The following APAF1 variants were observed in gnomAD, a reference collection of about 807,000 sequenced individuals.
APAF1 encodes apoptotic protease-activating factor 1.
APAF1 carries 91 observed loss-of-function variants against 152.4 expected under a neutral mutation model. The ratio of observed to expected loss-of-function variants is 0.60; its 90% CI spans 0.50 to 0.71. The LOEUF (loss-of-function observed/expected upper bound fraction) is 0.71. APAF1 is among the 30% of genes least tolerant of loss of function. APAF1 has a pLI of 0.00. For synonymous variants in APAF1, 484 were observed against 494.1 expected (o/e 0.98, Z 0.27); for missense variants, 1,283 against 1,472.0 (o/e 0.87, Z 2.10).
At chr12:98,707,352 A>G (rs1047391892) in intron 19 of APAF1, among the ~76,000 whole-genome samples, 5 of 152,240 alleles carry the variant, frequency 3.3e-5, no homozygotes, top group East Asian at 3.9e-4. Context: ...GGAATGCTCT[A>G]CTTACCTGTA....
intron 24 of APAF1, 88 bp downstream of exon 24, chr12:98,723,852 G>A: frequency 7.3e-7 from 1 of 1,362,398 alleles, no homozygotes; most frequent in Non-Finnish European, 1.0e-6. Flanking sequence ...GGACATAACA[G>A]TTGCTCTCTA....
At chr12:98,702,653 C>G (rs988016982) in intron 17 of APAF1, among the ~76,000 whole-genome samples, 1 of 151,276 alleles carries the variant, frequency 6.6e-6, no homozygotes, top group Non-Finnish European at 1.5e-5. Context: ...GGAGAAACCC[C>G]GTCTCTACTA....
chr12:98,658,660 G>A (rs1435648712), intron 4 of APAF1, among the ~76,000 whole-genome samples: 1 of 152,292 alleles, frequency 6.6e-6, no homozygotes, highest in Non-Finnish European at 1.5e-5. Context: ...TTCTCAACGA[G>A]GGGTGATTTC....
chr12:98,692,363 G>A (rs566266154), intron 16 of APAF1, among the ~76,000 whole-genome samples: 97 of 152,194 alleles, frequency 6.4e-4, no homozygotes, highest in African/African-American at 2.2e-3. Flanking sequence ...GATTACAGGC[G>A]TGAGCCACTG....
intron 18 of APAF1, among the ~76,000 whole-genome samples, chr12:98,704,284 C>A (rs1169177775): frequency 6.6e-6 from 1 of 152,144 alleles, no homozygotes; most frequent in Non-Finnish European, 1.5e-5. Flanking sequence ...ATTAGTTTTT[C>A]CAGGCTTTCT....
Position 98,721,585 on chromosome 12 carries a change from G to A in APAF1, c.3085-1608G>A, listed in dbSNP as rs550308325. Among the ~76,000 whole-genome samples, 10 of 152,270 alleles carry A rather than the reference G, an allele frequency of 6.6e-5. No individual in the cohort carries two copies. In the South Asian group the frequency reaches 2.1e-3, roughly 32 times the overall value. ...GCCTCCATTTCTTCCCCTTCCCCCA[G>A]CATATCTCATTGGGTTCTTAAAATA... is the stretch of plus-strand genomic sequence containing the variant. On this transcript the variant is annotated intron_variant, in intron 22 of 26. Transcript: ENST00000551964.
Position 98,646,584 on chromosome 12 carries a change from T to G in APAF1, c.-42+749T>G, listed in dbSNP as rs186943003. ...CTCTCTTTTTCTTCTTTGAGTAGAC[T>G]GTGAATTATTTCAGGCAAATGACTC... is the stretch of plus-strand genomic sequence containing the variant. On this transcript the variant is annotated intron_variant, in intron 1 of 26. Coordinates refer to ENST00000551964, the MANE Select transcript of APAF1 (RefSeq NM_181861.2). Among the ~76,000 whole-genome samples the G allele has an allele frequency of 4.1e-3, 632 of 152,324 alleles. 2 individuals are homozygous for G. The highest frequency in any genetic ancestry group is 6.7e-3 in the Non-Finnish European group (457 of 68,016).
Position 98,677,448 on chromosome 12 carries a change from T to A in APAF1, c.1817T>A (p.Leu606His). Residue 606 changes from leucine (L) to histidine (H), a missense_variant, in exon 13 of 27, where the codon CTT (leucine) becomes CAT (histidine). Transcript: ENST00000551964. Reference protein sequence around the residue: ...EWINKKNITNLSRLVVRPHTD... With the variant: ...EWINKKNITNHSRLVVRPHTD... ...AGAAACAAAAAAAACATCACGAATCTTTCCCGCTTAGTTGTCCGCCCCCAC... is the reference window on the plus strand; with the variant it reads ...AGAAACAAAAAAAACATCACGAATCATTCCCGCTTAGTTGTCCGCCCCCAC... 6.2e-7 allele frequency: 1 copy of A among 1,614,170 alleles called. No homozygotes were observed.
intron 20 of APAF1, among the ~76,000 whole-genome samples, chr12:98,710,980 G>A (rs2097727358): frequency 6.6e-6 from 1 of 152,158 alleles, no homozygotes; most frequent in Admixed American, 6.5e-5. Context: ...CCTGGTATGT[G>A]GTAACTTCTT....
Position 98,667,506 on chromosome 12 carries a change from G to T in APAF1, c.1363-7G>T. 6.2e-7 allele frequency: 1 copy of T among 1,613,102 alleles called. No homozygotes were observed. Among genetic ancestry groups the T allele is most frequent in the Non-Finnish European group, 8.5e-7 (1 of 1,179,750 alleles). On this transcript the variant is annotated splice_region_variant and splice_polypyrimidine_tract_variant and intron_variant, in intron 9 of 26. Coordinates refer to ENST00000551964, the MANE Select transcript of APAF1 (RefSeq NM_181861.2). ...TCTGGCTTCTGAAACGTTTCATTGG[G>T]TTGCAGGATCTACATAAGAAGATAA... is the stretch of plus-strand genomic sequence containing the variant.
chr12:98,649,172 G>A (rs2097645922), intron 3 of APAF1: 1 of 965,142 alleles, frequency 1.0e-6, no homozygotes, highest in Non-Finnish European at 1.2e-6. Context: ...TTCCATAAAT[G>A]TTCTTCCTTT....
At chr12:98,728,148 ATAC>A (rs2097753997) in intron 26 of APAF1, among the ~76,000 whole-genome samples, 1 of 152,290 alleles carries the variant, frequency 6.6e-6, no homozygotes, top group South Asian at 2.1e-4. Context: ...ATACTGCCTC[ATAC>A]TAAACTTGGG....
At chr12:98,702,132 C>T (rs1340424003) in intron 17 of APAF1, among the ~76,000 whole-genome samples, 2 of 151,932 alleles carry the variant, frequency 1.3e-5, no homozygotes, top group Non-Finnish European at 2.9e-5. Context: ...GTGGCGCTAT[C>T]TCGGTTCACT....
intron 13 of APAF1, 51 bp from the exon 14 acceptor site, chr12:98,680,225 AC>A (rs1170645224): frequency 1.9e-5 from 29 of 1,517,894 alleles, no homozygotes; most frequent in Non-Finnish European, 2.3e-5. Context: ...TTGAATGATG[AC>A]CAGTAGTTAA....
chr12:98,728,113 G>A (rs1208124398), intron 26 of APAF1, among the ~76,000 whole-genome samples: 2 of 152,116 alleles, frequency 1.3e-5, no homozygotes, highest in African/African-American at 2.4e-5. Context: ...GACAGTGGCA[G>A]GGATGCCCTC....
At chr12:98,656,889 C>T (rs539641482) in intron 4 of APAF1, among the ~76,000 whole-genome samples, 1 of 152,300 alleles carries the variant, frequency 6.6e-6, no homozygotes, top group East Asian at 1.9e-4. Context: ...GTTCATGTCT[C>T]TAACCTTTCC....
chr12:98,655,628 T>A (rs1485094308), intron 4 of APAF1, among the ~76,000 whole-genome samples: 1 of 152,214 alleles, frequency 6.6e-6, no homozygotes, highest in Non-Finnish European at 1.5e-5. Flanking sequence ...TTATTTTTAT[T>A]TTTGAGACAG....
intron 4 of APAF1, among the ~76,000 whole-genome samples, chr12:98,654,015 G>T (rs976690850): frequency 1.4e-4 from 21 of 152,070 alleles, no homozygotes; most frequent in African/African-American, 5.1e-4. Context: ...AGTTTTCCCT[G>T]AATAAAGGCA....
intron 22 of APAF1, 98 bp from the exon 23 acceptor site, chr12:98,723,094 AG>A (rs2097745329): frequency 8.0e-7 from 1 of 1,255,508 alleles, no homozygotes; most frequent in African/African-American, 1.5e-5. Flanking sequence ...ATGCCATGTG[AG>A]TAAAAGACTT....
Sources: allele counts gnomAD v4.1 joint callset (sites outside exome capture counted in the v4.1 genomes callset), GRCh38; gene constraint gnomAD v4.1.1; transcripts MANE v1.5; gene names NCBI Gene and HGNC (gene_info 2026-07-23, HGNC 2026-07-21).